The following LOC128092253 variants were observed in gnomAD, a reference collection of about 807,000 sequenced individuals.
At chr6:133,957,488 T>TA in the LOC128092253 span, among the ~76,000 whole-genome samples, 2 of 152,182 alleles carry the variant, frequency 1.3e-5, no homozygotes, top group Non-Finnish European at 2.9e-5. Context: ...TTAAAAGCAG[T>TA]AAAAAAATTT....
At chr6:133,975,739 T>C in the LOC128092253 span, among the ~76,000 whole-genome samples, 1 of 152,170 alleles carries the variant, frequency 6.6e-6, no homozygotes, top group Non-Finnish European at 1.5e-5. Flanking sequence ...AAGAGAAATA[T>C]ATGAGAATGA....
chr6:133,978,650 C>T, the LOC128092253 span, among the ~76,000 whole-genome samples: 14,304 of 152,042 alleles, frequency 0.094, 672 homozygotes, highest in Admixed American at 0.15. Context: ...TATGGGAATA[C>T]AAGAGTGAAA....
the LOC128092253 span, among the ~76,000 whole-genome samples, chr6:133,960,461 C>T: frequency 1.3e-5 from 2 of 149,770 alleles, no homozygotes; most frequent in African/African-American, 4.9e-5. Flanking sequence ...CAACACTACT[C>T]CTTGGCTGTG....
chr6:133,965,622 T>A, the LOC128092253 span, among the ~76,000 whole-genome samples: 7 of 151,784 alleles, frequency 4.6e-5, no homozygotes, highest in African/African-American at 7.3e-5. Context: ...TTTTTTTTTT[T>A]AATTCACTGT....
the LOC128092253 span, among the ~76,000 whole-genome samples, chr6:133,961,540 C>T: frequency 1.4e-5 from 2 of 144,954 alleles, no homozygotes; most frequent in Non-Finnish European, 3.0e-5. Context: ...GCAATCTCGG[C>T]TCATTGCAAC....
At chr6:133,963,347 A>G in the LOC128092253 span, among the ~76,000 whole-genome samples, 1 of 152,216 alleles carries the variant, frequency 6.6e-6, no homozygotes, top group Non-Finnish European at 1.5e-5. Context: ...TTAGGGCCCT[A>G]TCAAGGTCAA....
the LOC128092253 span, among the ~76,000 whole-genome samples, chr6:133,964,427 T>C: frequency 6.6e-6 from 1 of 151,858 alleles, no homozygotes; most frequent in Middle Eastern, 3.4e-3. Context: ...GTTTTTTTTG[T>C]TTTGTTTTGT....
At chr6:133,979,509 A>G in the LOC128092253 span, among the ~76,000 whole-genome samples, 41 of 152,198 alleles carry the variant, frequency 2.7e-4, no homozygotes, top group South Asian at 2.1e-4. Flanking sequence ...ATAGCAGGAG[A>G]TAAGTCTGGC....
the LOC128092253 span, among the ~76,000 whole-genome samples, chr6:133,966,570 T>G: frequency 6.6e-6 from 1 of 152,214 alleles, no homozygotes; most frequent in Admixed American, 6.5e-5. Context: ...TATCTCCTCT[T>G]GGATGTCTCA....
At chr6:133,956,005 T>C in the LOC128092253 span, among the ~76,000 whole-genome samples, 1 of 152,326 alleles carries the variant, frequency 6.6e-6, no homozygotes, top group East Asian at 1.9e-4. Context: ...GAGTTATTTC[T>C]TCTCATGGAC....
the LOC128092253 span, among the ~76,000 whole-genome samples, chr6:133,978,797 A>G: frequency 2.6e-5 from 4 of 152,284 alleles, no homozygotes; most frequent in Admixed American, 1.3e-4. Context: ...GACCTTCTTT[A>G]TTTAGACTCT....
At chr6:133,974,137 A>AT in the LOC128092253 span, among the ~76,000 whole-genome samples, 1 of 151,990 alleles carries the variant, frequency 6.6e-6, no homozygotes, top group African/African-American at 2.4e-5. Flanking sequence ...TAGACATATA[A>AT]TTTTTTCTAC....
chr6:133,967,579 A>G, the LOC128092253 span, among the ~76,000 whole-genome samples: 1 of 152,218 alleles, frequency 6.6e-6, no homozygotes, highest in South Asian at 2.1e-4. Flanking sequence ...CACCTGGGCT[A>G]TGTAGTATAG....
chr6:133,957,678 A>G, the LOC128092253 span, among the ~76,000 whole-genome samples: 1 of 152,228 alleles, frequency 6.6e-6, no homozygotes, highest in Non-Finnish European at 1.5e-5. Context: ...GCCTGTGTTC[A>G]GCATCATGGC....
At chr6:133,957,855 T>C in the LOC128092253 span, among the ~76,000 whole-genome samples, 1,140 of 152,348 alleles carry the variant, frequency 7.5e-3, 12 homozygotes, top group Middle Eastern at 0.014. Context: ...CTTTAAAAAG[T>C]ATTAGCAGGT....
the LOC128092253 span, among the ~76,000 whole-genome samples, chr6:133,958,581 T>G: frequency 4.6e-5 from 7 of 152,336 alleles, no homozygotes; most frequent in African/African-American, 1.7e-4. Context: ...GCTGAAATAA[T>G]AGCTAACTTT....
chr6:133,966,316 A>G, the LOC128092253 span, among the ~76,000 whole-genome samples: 2 of 152,202 alleles, frequency 1.3e-5, no homozygotes, highest in Non-Finnish European at 2.9e-5. Flanking sequence ...ACATTTTACC[A>G]TAGTTTGTAG....
the LOC128092253 span, among the ~76,000 whole-genome samples, chr6:133,960,985 T>C: frequency 6.6e-6 from 1 of 152,242 alleles, no homozygotes; most frequent in Middle Eastern, 3.2e-3. Flanking sequence ...GGAACACAGT[T>C]GCTCTTCAGG....
chr6:133,971,744 G>A, the LOC128092253 span, among the ~76,000 whole-genome samples: 1 of 152,066 alleles, frequency 6.6e-6, no homozygotes, highest in Non-Finnish European at 1.5e-5. Flanking sequence ...TTTGAGAAGT[G>A]TCTGTTAAGG....
Sources: gnomAD v4.1 joint callset for allele counts (sites outside exome capture counted in the v4.1 genomes callset) on GRCh38, gnomAD v4.1.1 for gene constraint, MANE v1.5 for transcripts.